The following MTOR variants were observed in gnomAD, a reference collection of about 807,000 sequenced individuals.
The protein encoded by MTOR is mechanistic target of rapamycin kinase, also known as serine/threonine-protein kinase mTOR.
MTOR carries 70 observed loss-of-function variants against 319.8 expected under a neutral mutation model. The ratio of observed to expected loss-of-function variants is 0.22; its 90% CI spans 0.18 to 0.27. The LOEUF is 0.27. MTOR is among the 10% of genes least tolerant of loss of function. MTOR has a pLI of 1.00. For synonymous variants in MTOR, 1,183 were observed against 1,211.4 expected (o/e 0.98, Z 0.49); for missense variants, 1,890 against 3,274.4 (o/e 0.58, Z 10.32).
At chr1:11,259,165 G>C (rs1650793712) in intron 2 of MTOR, 83 bp downstream of exon 2, 1 of 1,521,864 alleles carries the variant, frequency 6.6e-7, no homozygotes, top group Non-Finnish European at 8.9e-7. Flanking sequence ...TCCTCACTTA[G>C]CTGTACAAAA....
intron 25 of MTOR, among the ~76,000 whole-genome samples, chr1:11,209,035 T>C (rs1026511042): frequency 6.6e-6 from 1 of 152,210 alleles, no homozygotes; most frequent in Middle Eastern, 3.2e-3. Flanking sequence ...GTTCCCTTCA[T>C]GTAAAAAATG....
intron 34 of MTOR, among the ~76,000 whole-genome samples, chr1:11,140,072 G>A (rs538106020): frequency 6.6e-6 from 1 of 152,030 alleles, no homozygotes; most frequent in Admixed American, 6.5e-5. Flanking sequence ...TGATCTGCCT[G>A]CTTCGGCTCC....
chr1:11,126,966 G>A (rs2100399928), intron 45 of MTOR, 44 bp downstream of exon 45: 1 of 1,610,322 alleles, frequency 6.2e-7, no homozygotes, highest in Non-Finnish European at 8.5e-7. Context: ...AAACAGAAAG[G>A]ACTATAATGA....
intron 49 of MTOR, among the ~76,000 whole-genome samples, chr1:11,117,347 G>A (rs1002594629): frequency 6.6e-6 from 1 of 152,140 alleles, no homozygotes; most frequent in East Asian, 1.9e-4. Context: ...TTTTAGTAGA[G>A]ACGGGGTTTC....
At chr1:11,220,589 G>A (rs1433737489) in intron 19 of MTOR, among the ~76,000 whole-genome samples, 3 of 152,120 alleles carry the variant, frequency 2.0e-5, no homozygotes, top group East Asian at 1.9e-4. Context: ...AAACAAACAC[G>A]ACATAAAACG....
Position 11,167,264 on chromosome 1 carries a change from AAT to A in MTOR, c.4329+176_4329+177del, listed in dbSNP as rs963714753. On this transcript the variant is annotated intron_variant, in intron 29 of 57. Transcript: ENST00000361445. ...TATAATTAAAAAAAAAAAAGAAAGA[AAT>A]AGAGTCCCTACAGACACAGTTTATC... is the stretch of plus-strand genomic sequence containing the variant. Among the ~76,000 whole-genome samples the A allele has an allele frequency of 4.5e-4, 68 of 152,246 alleles. 1 individual carries two copies. The highest frequency in any genetic ancestry group is 4.4e-3 in the Admixed American group (67 of 15,296).
At chr1:11,259,550 A>G (rs1034048284) in intron 1 of MTOR, 127 bp from the exon 2 acceptor site, 1 of 1,024,838 alleles carries the variant, frequency 9.8e-7, no homozygotes, top group Non-Finnish European at 1.4e-6. Context: ...AAAAAGGTTG[A>G]GAGATCTGAT....
intron 34 of MTOR, 71 bp downstream of exon 34, chr1:11,144,577 G>T: frequency 7.7e-7 from 1 of 1,305,142 alleles, no homozygotes; most frequent in Non-Finnish European, 1.1e-6. Flanking sequence ...CCAGGGTGGA[G>T]GGGGGCACTC....
At chr1:11,241,989 T>G (rs1202253595) in intron 9 of MTOR, among the ~76,000 whole-genome samples, 3 of 152,192 alleles carry the variant, frequency 2.0e-5, no homozygotes, top group South Asian at 2.1e-4. Flanking sequence ...GGAAGAGAGC[T>G]GAACAATGTG....
At chr1:11,156,941 A>G (rs936264013) in intron 30 of MTOR, among the ~76,000 whole-genome samples, 1 of 152,152 alleles carries the variant, frequency 6.6e-6, no homozygotes, top group African/African-American at 2.4e-5. Context: ...GAGCATTATA[A>G]AGTTTAAGTG....
chr1:11,163,254 C>T (rs12137303), intron 29 of MTOR, among the ~76,000 whole-genome samples: 8,993 of 152,178 alleles, frequency 0.059, 376 homozygotes, highest in South Asian at 0.12. Flanking sequence ...AATATATATG[C>T]GCCCAGTACA....
chr1:11,227,126 T>C (rs1009775527), intron 19 of MTOR, among the ~76,000 whole-genome samples: 8 of 151,080 alleles, frequency 5.3e-5, no homozygotes, highest in East Asian at 1.9e-4. Context: ...GGCGAAACCC[T>C]GTCTCTACTA....
chr1:11,121,173 A>T lies in MTOR; in HGVS notation c.6933+73T>A. ...AAGAAGAGCCGCTGTGTGCACATGA[A>T]CAGATGGGAGGGCCATCCTATTGCG... On this transcript the variant is annotated intron_variant, in intron 49 of 57. Coordinates refer to ENST00000361445, the MANE Select transcript of MTOR (RefSeq NM_004958.4). The surrounding 1 kb of genome is among the most constrained non-coding windows in gnomAD (Gnocchi z 4.9). The T allele has an allele frequency of 6.3e-7, 1 of 1,592,820 alleles. No homozygotes were observed. Among genetic ancestry groups the T allele is most frequent in the Non-Finnish European group, 8.5e-7 (1 of 1,173,196 alleles).
intron 30 of MTOR, among the ~76,000 whole-genome samples, chr1:11,154,817 C>T (rs1286288296): frequency 1.3e-5 from 2 of 151,792 alleles, no homozygotes; most frequent in African/African-American, 4.8e-5. Context: ...CCACTGTACT[C>T]CACTGAGAGA....
rs1380124697 is a variant in MTOR, at chr1:11,160,352, G to A, written c.4330-3061C>T. 5.3e-5 allele frequency among the ~76,000 whole-genome samples: 8 copies of A among 152,142 alleles called. No homozygotes were observed. In the South Asian group the frequency reaches 6.2e-4, roughly 12 times the overall value. ...TGATCTCAGGTGATCTGCCCATCTC[G>A]GCCTCCCAAAGTGCTGGGATTGTAG... On this transcript the variant is annotated intron_variant, in intron 29 of 57. Transcript: ENST00000361445.
At position 11,186,257 on chromosome 1, in the gene MTOR, C is replaced by T. The variant is rs569216302; in HGVS notation, c.4253+13001G>A. ...ATTCATTCCACAAGCTGAGAGTGGGCAGCAGTCTCTCCAACGGGGCATTTT... is the reference window on the plus strand; with the variant it reads ...ATTCATTCCACAAGCTGAGAGTGGGTAGCAGTCTCTCCAACGGGGCATTTT... On this transcript the variant is annotated intron_variant, in intron 28 of 57. Transcript: ENST00000361445. 1.6e-3 allele frequency among the ~76,000 whole-genome samples: 247 copies of T among 152,188 alleles called. 2 individuals carry two copies. The highest frequency in any genetic ancestry group is 5.5e-3 in the African/African-American group (228 of 41,510).
chr1:11,167,988 T>C (rs942326563), intron 28 of MTOR, among the ~76,000 whole-genome samples: 3 of 151,338 alleles, frequency 2.0e-5, no homozygotes, highest in African/African-American at 7.3e-5. Flanking sequence ...GAGAATGGCG[T>C]GAACCTGGGA....
chr1:11,193,710 G>A, intron 28 of MTOR: 1 of 1,614,136 alleles, frequency 6.2e-7, no homozygotes, highest in Non-Finnish European at 8.5e-7. Context: ...GGGGACTTCT[G>A]GCTGGGGAAC....
Position 11,253,987 on chromosome 1 carries a change from C to T in MTOR, c.706-14G>A, listed in dbSNP as rs1650036478. On this transcript the variant is annotated splice_polypyrimidine_tract_variant and intron_variant, in intron 5 of 57. Transcript: ENST00000361445. ...TTCAAATGTGTGCTATGTAGAGAGACAGGGTGCCTTCATTAGAGACAGAGT... is the reference window on the plus strand; with the variant it reads ...TTCAAATGTGTGCTATGTAGAGAGATAGGGTGCCTTCATTAGAGACAGAGT... 1 of 1,614,142 alleles carries T rather than the reference C, an allele frequency of 6.2e-7. No individual in the cohort carries two copies. The highest frequency in any genetic ancestry group is 8.5e-7 in the Non-Finnish European group (1 of 1,180,024).
Sources: allele counts gnomAD v4.1 joint callset (sites outside exome capture counted in the v4.1 genomes callset), GRCh38; gene constraint gnomAD v4.1.1; non-coding constraint Gnocchi (gnomAD v3.1); transcripts MANE v1.5; gene names NCBI Gene and HGNC (gene_info 2026-07-23, HGNC 2026-07-21).